Variants in SMARCA4 observed in about 807,000 individuals in gnomAD.
The protein encoded by SMARCA4 is SWI/SNF-related matrix-associated actin-dependent regulator of chromatin subfamily A member 4.
A neutral mutation model predicts 193.9 loss-of-function variants in SMARCA4; 31 were observed. That is an observed-to-expected ratio of 0.16 (90% CI 0.12 to 0.22). The LOEUF is 0.22. Among genes scored for constraint, SMARCA4 ranks in the 10% least tolerant of loss-of-function variants. The pLI, the probability that SMARCA4 is intolerant of heterozygous loss-of-function variation, is 1.00. For synonymous variants in SMARCA4, 942 were observed against 933.1 expected, an observed-to-expected ratio of 1.01 and a Z score of -0.17; for missense variants, 1,148 against 2,296.0, an observed-to-expected ratio of 0.50 and a Z score of 10.22.
Position 11,002,337 on chromosome 19 carries a change from G to A in SMARCA4, c.1813-692G>A, listed in dbSNP as rs1027811184. On this transcript the variant is annotated intron_variant, in intron 11 of 34. Coordinates refer to ENST00000344626, the MANE Select transcript of SMARCA4 (RefSeq NM_003072.5). The stretch of plus-strand genomic sequence containing the variant: ...CACTAAAAATACTAAAAATTAGCTG[G>A]GCATGGTGATGGGCACCTGTAGTCC... Among the ~76,000 whole-genome samples, 7 of 152,048 alleles carry A rather than the reference G, an allele frequency of 4.6e-5. 1 individual carries two copies. Among genetic ancestry groups the A allele is most frequent in the Non-Finnish European group, 7.4e-5 (5 of 68,024 alleles).
intron 9 of SMARCA4, chr19:10,995,555 C>T (rs1334036923): frequency 4.4e-6 from 2 of 454,002 alleles, no homozygotes; most frequent in Non-Finnish European, 8.9e-6. Context: ...TAAGTAAAAG[C>T]CTTGAAACAG....
intron 11 of SMARCA4, among the ~76,000 whole-genome samples, chr19:11,001,713 C>T (rs929203699): frequency 5.3e-5 from 8 of 152,280 alleles, no homozygotes; most frequent in East Asian, 1.9e-4. Flanking sequence ...GATATCCCTC[C>T]GCTGTGTGGA....
rs1361451949 is a variant in SMARCA4, at chr19:10,984,956, T to C, written c.223-317T>C. Among the ~76,000 whole-genome samples, 1 of 152,146 alleles carries C rather than the reference T, an allele frequency of 6.6e-6. No individual in the cohort carries two copies. The highest frequency in any genetic ancestry group is 1.5e-5 in the Non-Finnish European group (1 of 68,028). ...CAGCATCTGAAAGGAAAGGTCATAT[T>C]AGCATCCATGAGAAAAGGTGACATT... On this transcript the variant is annotated intron_variant, in intron 2 of 34. Coordinates refer to ENST00000344626, the MANE Select transcript of SMARCA4 (RefSeq NM_003072.5). The surrounding 1 kb of genome is among the most constrained non-coding windows in gnomAD (Gnocchi z 4.3).
At chr19:10,978,795 A>G (rs967068487) in intron 1 of SMARCA4, among the ~76,000 whole-genome samples, 3 of 150,998 alleles carry the variant, frequency 2.0e-5, no homozygotes, top group Non-Finnish European at 4.4e-5. Flanking sequence ...ATATATATAT[A>G]TATTTTAGCC....
chr19:10,963,386 A>AAG (rs1352779755), intron 1 of SMARCA4, among the ~76,000 whole-genome samples: 3 of 151,424 alleles, frequency 2.0e-5, no homozygotes, highest in African/African-American at 7.3e-5. Flanking sequence ...AAAAAAAAAA[A>AAG]AAAAAGAAAA....
rs374677046 is a variant in SMARCA4, at chr19:11,060,196, G to C, written c.4911+9G>C. 1.3e-6 allele frequency: 2 copies of C among 1,550,564 alleles called. No homozygotes were observed. Among genetic ancestry groups the C allele is most frequent in the South Asian group, 2.4e-5 (2 of 83,990 alleles). The stretch of plus-strand genomic sequence containing the variant: ...AGGAGGAACAAGAGGAGGTGAGGCC[G>C]GGCCCCCGAGCAGGCAGAGCTGGCA... On this transcript the variant is annotated intron_variant, in intron 34 of 34. Transcript: ENST00000344626.
At chr19:11,056,282 C>T (rs995542763) in intron 30 of SMARCA4, 1 of 152,166 alleles carries the variant, frequency 6.6e-6, no homozygotes, top group Admixed American at 6.5e-5. Context: ...CTGGGTTTAC[C>T]AACAGTTGCC....
At chr19:10,991,412 TTC>T in intron 8 of SMARCA4, 89 bp downstream of exon 8, 1 of 1,536,928 alleles carries the variant, frequency 6.5e-7, no homozygotes, top group Non-Finnish European at 8.8e-7. Context: ...GTTTGCTTTG[TTC>T]CTAAACATGC....
chr19:10,978,104 TCTTC>T (rs2085286720), intron 1 of SMARCA4, among the ~76,000 whole-genome samples: 1 of 152,172 alleles, frequency 6.6e-6, no homozygotes, highest in African/African-American at 2.4e-5. Flanking sequence ...CCTGGCTAGA[TCTTC>T]CTTCCTTGCC....
At chr19:11,052,352 G>A (rs1344818118) in intron 30 of SMARCA4, among the ~76,000 whole-genome samples, 1 of 152,158 alleles carries the variant, frequency 6.6e-6, no homozygotes, top group Non-Finnish European at 1.5e-5. Flanking sequence ...CGTGAGCCCA[G>A]GAGTTGGAGG....
rs1469447872 is a variant in SMARCA4, at chr19:11,030,684, C to T, written c.3383-46C>T. 10 of 1,575,352 alleles carry T rather than the reference C, an allele frequency of 6.3e-6. No individual in the cohort carries two copies. The highest frequency in any genetic ancestry group is 3.4e-5 in the South Asian group (3 of 87,612). On this transcript the variant is annotated intron_variant, in intron 24 of 34. Transcript: ENST00000344626. This position sits in a 1 kb window ranked among gnomAD's most constrained non-coding sequence, Gnocchi z 5.5. ...GGTGTTCCTTGGTGTCCCCACTCTACCCCTGAGGTCACCCCGCTGACCCTG... is the reference window on the plus strand; with the variant it reads ...GGTGTTCCTTGGTGTCCCCACTCTATCCCTGAGGTCACCCCGCTGACCCTG...
rs2085386042 is a variant in SMARCA4, at chr19:10,979,389, A to G, written c.-31-4732A>G. 2.0e-5 allele frequency among the ~76,000 whole-genome samples: 3 copies of G among 149,922 alleles called. No individual in the cohort carries two copies. The South Asian group carries it at 6.3e-4, about 31-fold the overall frequency. ...TAAAAAGAACGGATGACTCTCCCAG[A>G]CATGGTGACCCTGTGTGATTGTCTT... On this transcript the variant is annotated intron_variant, in intron 1 of 34. Transcript: ENST00000344626.
rs1174689198 is a variant in SMARCA4, at chr19:11,034,850, T to C, written c.3952-64T>C. ...AGGCCCTTCTGAACTCTCGGTGTTC[T>C]GGCTCTAGCGTGCCCCTGGTGCCTG... On this transcript the variant is annotated intron_variant, in intron 28 of 34. Coordinates refer to ENST00000344626, the MANE Select transcript of SMARCA4 (RefSeq NM_003072.5). The surrounding 1 kb of genome is among the most constrained non-coding windows in gnomAD (Gnocchi z 7.0). 1.7e-5 allele frequency: 18 copies of C among 1,066,798 alleles called. No homozygotes were observed. The highest frequency in any genetic ancestry group is 2.4e-5 in the Non-Finnish European group (17 of 716,282). The allele number at this position is 1,066,798 out of a possible 1,614,324, so 66.1% of individuals were successfully genotyped here.
chr19:11,029,770 T>C (rs918110774), intron 24 of SMARCA4, among the ~76,000 whole-genome samples: 1 of 152,186 alleles, frequency 6.6e-6, no homozygotes, highest in Non-Finnish European at 1.5e-5. Flanking sequence ...GCCGCCTGGA[T>C]TCAAGCGATT....
rs2089710208 is a variant in SMARCA4, at chr19:11,019,943, G to A, written c.2616+242G>A. On this transcript the variant is annotated intron_variant, in intron 18 of 34. Coordinates refer to ENST00000344626, the MANE Select transcript of SMARCA4 (RefSeq NM_003072.5). This position sits in a 1 kb window ranked among gnomAD's most constrained non-coding sequence, Gnocchi z 6.1. ...AGCTGGGGCCATCTACACAGCATGC[G>A]CTCTGCCTCCTCTCGGGCCTTCTGC... 6.6e-6 allele frequency among the ~76,000 whole-genome samples: 1 copy of A among 152,250 alleles called. No individual in the cohort carries two copies. The highest frequency in any genetic ancestry group is 2.1e-4 in the South Asian group (1 of 4,834).
At chr19:10,982,810 T>C (rs921861157) in intron 1 of SMARCA4, among the ~76,000 whole-genome samples, 2 of 152,162 alleles carry the variant, frequency 1.3e-5, no homozygotes, top group East Asian at 3.9e-4. Flanking sequence ...GGCCAAAAAA[T>C]GGAACTTTTT....
chr19:10,985,125 C>T lies in SMARCA4; in HGVS notation c.223-148C>T, dbSNP rs1381933304. 1.2e-6 allele frequency: 1 copy of T among 806,202 alleles called. No individual in the cohort carries two copies. The highest frequency in any genetic ancestry group is 1.7e-5 in the African/African-American group (1 of 58,266). 49.9% of individuals were successfully genotyped at this position (806,202 alleles called of 1,614,324 possible). ...GCCTAAGTAGGTGTCAGAACCTTGC[C>T]TTGGAGTCATGCTGGGGACTGGGGA... On this transcript the variant is annotated intron_variant, in intron 2 of 34. Transcript: ENST00000344626. The surrounding 1 kb of genome is among the most constrained non-coding windows in gnomAD (Gnocchi z 4.5).
At position 11,034,815 on chromosome 19, in the gene SMARCA4, G is replaced by C; in HGVS notation, c.3952-99G>C. The C allele has an allele frequency of 2.5e-6, 2 of 802,112 alleles. No individual in the cohort carries two copies. The highest frequency in any genetic ancestry group is 2.1e-6 in the Non-Finnish European group (1 of 477,660). 49.7% of individuals were successfully genotyped at this position (802,112 alleles called of 1,614,324 possible). A position where few individuals can be genotyped will look rare whatever the true frequency, so the allele number is the denominator to read the frequency against. On this transcript the variant is annotated intron_variant, in intron 28 of 34. Coordinates refer to ENST00000344626, the MANE Select transcript of SMARCA4 (RefSeq NM_003072.5). This position sits in a 1 kb window ranked among gnomAD's most constrained non-coding sequence, Gnocchi z 7.0. ...CTCTCGCAGCAGCGTGGAGCCCCAC[G>C]GGCAGAGAAAGGCCCTTCTGAACTC... is the stretch of plus-strand genomic sequence containing the variant.
In SMARCA4 at chr19:11,006,720, CAG is replaced by C. The variant is rs755104444; in HGVS notation, c.2002-1181_2002-1180del. ...TAGACGTGTAATGTTCATTGTATAACAGGGGTAGGAGAGATATGGAGTCTACT... is the reference window on the plus strand; with the variant it reads ...TAGACGTGTAATGTTCATTGTATAACGGGTAGGAGAGATATGGAGTCTACT... On this transcript the variant is annotated intron_variant, in intron 13 of 34. Transcript: ENST00000344626. Among the ~76,000 whole-genome samples, 9 of 152,210 alleles carry C rather than the reference CAG, an allele frequency of 5.9e-5. No individual in the cohort carries two copies. In the South Asian group the frequency reaches 6.2e-4, roughly 11 times the overall value.
Sources: gnomAD v4.1 joint callset for allele counts (sites outside exome capture counted in the v4.1 genomes callset) on GRCh38, gnomAD v4.1.1 for gene constraint, Gnocchi (gnomAD v3.1) non-coding constraint, MANE v1.5 for transcripts, NCBI Gene and HGNC (gene_info 2026-07-23, HGNC 2026-07-21) for gene names.